Variants in ERC2 observed in about 807,000 individuals in gnomAD.
ERC2 encodes the protein ERC protein 2.
ERC2 carries 42 observed loss-of-function variants against 114.8 expected under a neutral mutation model. The ratio of observed to expected loss-of-function variants is 0.37; its 90% CI spans 0.29 to 0.47. The LOEUF is 0.47. Among genes scored for constraint, ERC2 ranks in the 20% least tolerant of loss-of-function variants. The pLI is 0.99. For synonymous variants in ERC2, 454 were observed against 425.5 expected, an observed-to-expected ratio of 1.07 and a Z score of -0.82; for missense variants, 939 against 1,150.7, an observed-to-expected ratio of 0.82 and a Z score of 2.66.
chr3:55,918,817 C>T (rs529235111), intron 13 of ERC2, among the ~76,000 whole-genome samples: 1 of 150,558 alleles, frequency 6.6e-6, no homozygotes, highest in African/African-American at 2.4e-5. Flanking sequence ...CTGACTGCAA[C>T]TAGATGAAGA....
chr3:55,946,737 G>A (rs998288212), intron 13 of ERC2, among the ~76,000 whole-genome samples: 4 of 152,000 alleles, frequency 2.6e-5, no homozygotes. Flanking sequence ...TCAACTCCAC[G>A]GTTCTGCATC....
chr3:55,870,998 A>T (rs144239794), intron 14 of ERC2, among the ~76,000 whole-genome samples: 1 of 152,328 alleles, frequency 6.6e-6, no homozygotes, highest in East Asian at 1.9e-4. Context: ...TCTCTAGAGC[A>T]AACAGATTTG....
At chr3:55,563,313 T>C (rs2056155659) in intron 17 of ERC2, among the ~76,000 whole-genome samples, 1 of 151,298 alleles carries the variant, frequency 6.6e-6, no homozygotes, top group African/African-American at 2.4e-5. Context: ...TGAGTATGCA[T>C]CCTGAGTGTC....
intron 1 of ERC2, among the ~76,000 whole-genome samples, chr3:56,448,577 G>C (rs1303524367): frequency 6.6e-6 from 1 of 152,138 alleles, no homozygotes; most frequent in Admixed American, 6.5e-5. Flanking sequence ...GAACTCTGCA[G>C]CATGCAAGCT....
At chr3:56,223,945 TAAAG>T (rs949472574) in intron 3 of ERC2, among the ~76,000 whole-genome samples, 1 of 152,216 alleles carries the variant, frequency 6.6e-6, no homozygotes, top group Non-Finnish European at 1.5e-5. Context: ...GAATAATATG[TAAAG>T]AGATATCCAT....
chr3:55,679,180 C>T (rs2061945262), intron 17 of ERC2, among the ~76,000 whole-genome samples: 1 of 152,192 alleles, frequency 6.6e-6, no homozygotes, highest in African/African-American at 2.4e-5. Context: ...CTTCCTTCTT[C>T]TCCATCCTCA....
At chr3:56,373,500 G>T (rs2059427389) in intron 2 of ERC2, among the ~76,000 whole-genome samples, 2 of 152,148 alleles carry the variant, frequency 1.3e-5, no homozygotes, top group South Asian at 2.1e-4. Flanking sequence ...CATACTTAAG[G>T]CTCAACAGGG....
chr3:56,045,428 C>T (rs1576691087), intron 7 of ERC2, among the ~76,000 whole-genome samples: 1 of 152,202 alleles, frequency 6.6e-6, no homozygotes, highest in Admixed American at 6.5e-5. Context: ...GCAAGACATA[C>T]CACAGCCTTA....
intron 6 of ERC2, among the ~76,000 whole-genome samples, chr3:56,133,051 CA>C (rs2149894230): frequency 6.6e-6 from 1 of 152,262 alleles, no homozygotes; most frequent in South Asian, 2.1e-4. Flanking sequence ...CCTTCTTAGC[CA>C]TGTCAGAGTT....
intron 14 of ERC2, among the ~76,000 whole-genome samples, chr3:55,771,606 A>G (rs1317732294): frequency 6.6e-6 from 1 of 152,238 alleles, no homozygotes; most frequent in Non-Finnish European, 1.5e-5. Flanking sequence ...ATGCTGAGGC[A>G]TAAACCCCAC....
At chr3:56,398,337 G>A (rs866085258) in intron 2 of ERC2, among the ~76,000 whole-genome samples, 1 of 152,026 alleles carries the variant, frequency 6.6e-6, no homozygotes, top group Admixed American at 6.6e-5. Flanking sequence ...GACCGAAAGG[G>A]GTAAAGTAAC....
intron 17 of ERC2, among the ~76,000 whole-genome samples, chr3:55,548,687 C>T (rs1003522030): frequency 3.3e-5 from 5 of 152,180 alleles, no homozygotes; most frequent in African/African-American, 7.2e-5. Context: ...CTTCGATGGG[C>T]CACTTGGCTT....
At chr3:56,133,102 T>C (rs889849412) in intron 6 of ERC2, among the ~76,000 whole-genome samples, 1 of 152,204 alleles carries the variant, frequency 6.6e-6, no homozygotes, top group Non-Finnish European at 1.5e-5. Context: ...TGAACTCACC[T>C]GTCAAGACAG....
At chr3:56,332,228 T>C (rs977712658) in intron 2 of ERC2, among the ~76,000 whole-genome samples, 1 of 152,124 alleles carries the variant, frequency 6.6e-6, no homozygotes, top group East Asian at 1.9e-4. Flanking sequence ...ATGCACAGAA[T>C]TGCTTTTGCT....
chr3:55,557,853 T>G (rs1356060534), intron 17 of ERC2, among the ~76,000 whole-genome samples: 1 of 152,222 alleles, frequency 6.6e-6, no homozygotes, highest in Non-Finnish European at 1.5e-5. Flanking sequence ...ATCTCTTAGA[T>G]CACAACTCAA....
intron 4 of ERC2, among the ~76,000 whole-genome samples, chr3:56,149,710 T>C (rs114194053): frequency 6.6e-4 from 101 of 152,326 alleles, no homozygotes; most frequent in African/African-American, 2.3e-3. Context: ...TGAAAATTTA[T>C]AGTGATTGGA....
chr3:56,462,915 C>T (rs2063380492), intron 1 of ERC2, among the ~76,000 whole-genome samples: 1 of 152,132 alleles, frequency 6.6e-6, no homozygotes, highest in African/African-American at 2.4e-5. Flanking sequence ...CTTCCAGGCT[C>T]CAGCTTTGCC....
chr3:56,358,978 C>A (rs975497997), intron 2 of ERC2, among the ~76,000 whole-genome samples: 5 of 152,150 alleles, frequency 3.3e-5, no homozygotes, highest in African/African-American at 1.2e-4. Flanking sequence ...AATAAAATTG[C>A]AGAGCAATAA....
intron 1 of ERC2, among the ~76,000 whole-genome samples, chr3:56,457,561 T>C (rs1473046225): frequency 1.3e-5 from 2 of 152,100 alleles, no homozygotes; most frequent in African/African-American, 4.8e-5. Context: ...TCCTTGATCG[T>C]ATCCGTCCCC....
Sources: allele counts gnomAD v4.1 joint callset (sites outside exome capture counted in the v4.1 genomes callset), GRCh38; gene constraint gnomAD v4.1.1; transcripts MANE v1.5; gene names NCBI Gene and HGNC (gene_info 2026-07-23, HGNC 2026-07-21).